Variants in VPS16 observed in about 807,000 individuals in gnomAD.
The protein encoded by VPS16 is VPS16 core subunit of CORVET and HOPS complexes, also known as vacuolar protein sorting-associated protein 16 homolog.
In VPS16, 82 loss-of-function variants were observed where a neutral mutation model predicts 116.0. That is an observed-to-expected ratio of 0.71 (90% CI 0.59 to 0.85). VPS16 has a LOEUF of 0.85. VPS16 is among the 40% of genes least tolerant of loss of function. VPS16 has a pLI of 0.00. For synonymous variants in VPS16, 406 were observed against 420.7 expected (o/e 0.96, Z 0.43); for missense variants, 928 against 1,090.6 (o/e 0.85, Z 2.10).
Position 2,860,541 on chromosome 20 carries a change from C to G in VPS16, c.462C>G (p.Thr154=). The G allele has an allele frequency of 6.2e-7, 1 of 1,613,940 alleles. No homozygotes were observed. Among genetic ancestry groups the G allele is most frequent in the Non-Finnish European group, 8.5e-7 (1 of 1,180,020 alleles). The stretch of plus-strand genomic sequence containing the variant: ...TCCTCACAGGGGCCCACCGCTTCAC[C>G]CTCAGTGCCAATGTGGGTGACCTCA... ...VAILTGAHRF[T]LSANVGDLKL... Residue 154 remains threonine (T), a synonymous_variant, in exon 5 of 24, where the codon ACC becomes ACG. Transcript: ENST00000380445. The surrounding 1 kb of genome is among the most constrained non-coding windows in gnomAD (Gnocchi z 6.1).
chr20:2,848,041 C>A, intron 1 of VPS16, among the ~76,000 whole-genome samples: 1 of 152,226 alleles, frequency 6.6e-6, no homozygotes, highest in East Asian at 1.9e-4. Context: ...CGGTGCAGAA[C>A]CACCTTCCAG....
rs768817553 is a variant in VPS16, at chr20:2,860,844, A to G, written c.611A>G (p.His204Arg). ...AVGPDLYLLD[H>R]AACSAVTPPG... ...GGGCCTGACCTTTACCTCTTGGACC[A>G]TGCAGCCTGCTCCGCAGTGGTAAGG... Residue 204 changes from histidine (H) to arginine (R), a missense_variant, in exon 6 of 24, where the codon CAT (histidine) becomes CGT (arginine). Coordinates refer to ENST00000380445, the MANE Select transcript of VPS16 (RefSeq NM_022575.4). The surrounding 1 kb of genome is among the most constrained non-coding windows in gnomAD (Gnocchi z 6.1). The G allele has an allele frequency of 6.2e-7, 1 of 1,614,110 alleles. No individual in the cohort carries two copies. The highest frequency in any genetic ancestry group is 2.2e-5 in the East Asian group (1 of 44,882).
intron 1 of VPS16, among the ~76,000 whole-genome samples, chr20:2,849,643 C>A (rs979821486): frequency 3.9e-5 from 6 of 152,008 alleles, no homozygotes; most frequent in African/African-American, 1.2e-4. Context: ...TTAGAGAAGA[C>A]TTCTGCTTCT....
intron 7 of VPS16, 46 bp from the exon 8 acceptor site, chr20:2,861,179 T>C (rs1269328519): frequency 3.7e-6 from 6 of 1,614,058 alleles, no homozygotes; most frequent in African/African-American, 2.7e-5. Flanking sequence ...TCGACTAGAA[T>C]GGTGACTGCT....
chr20:2,854,264 C>CACACACACACACACACACACAAAA (rs1359113049), intron 1 of VPS16, among the ~76,000 whole-genome samples: 1 of 150,014 alleles, frequency 6.7e-6, no homozygotes, highest in African/African-American at 2.5e-5. Flanking sequence ...CACACACACA[C>CACACACACACACACACACACAAAA]AAATTTTTTA....
intron 1 of VPS16, among the ~76,000 whole-genome samples, chr20:2,842,812 C>CTATAGATAGACATATAGATG (rs1568620881): frequency 1.6e-5 from 2 of 123,358 alleles, no homozygotes; most frequent in Non-Finnish European, 1.7e-5. Flanking sequence ...ATAGATGTAT[C>CTATAGATAGACATATAGATG]TATCTATAGA....
Position 2,863,702 on chromosome 20 carries a change from C to T in VPS16, c.1477-247C>T, listed in dbSNP as rs1214884328. Among the ~76,000 whole-genome samples the T allele has an allele frequency of 6.6e-6, 1 of 151,986 alleles. No homozygotes were observed. The highest frequency in any genetic ancestry group is 1.5e-5 in the Non-Finnish European group (1 of 68,016). The stretch of plus-strand genomic sequence containing the variant: ...GCTTTCACCTGGGAGGCAGAGGTTG[C>T]AGTGAGCTGAGATTGCACTGCTGCA... On this transcript the variant is annotated intron_variant, in intron 15 of 23. Transcript: ENST00000380445. This position sits in a 1 kb window ranked among gnomAD's most constrained non-coding sequence, Gnocchi z 4.4.
At chr20:2,856,912 A>G (rs1368391712) in intron 1 of VPS16, among the ~76,000 whole-genome samples, 2 of 151,568 alleles carry the variant, frequency 1.3e-5, no homozygotes, top group African/African-American at 2.4e-5. Context: ...GTTCTTAAAT[A>G]TTTTGTGGTA....
chr20:2,842,529 C>T (rs1358920668), intron 1 of VPS16, among the ~76,000 whole-genome samples: 1 of 151,572 alleles, frequency 6.6e-6, no homozygotes, highest in African/African-American at 2.4e-5. Context: ...ATCGCTTGAA[C>T]CTGGGAGGCG....
chr20:2,842,525 T>G (rs1168042394), intron 1 of VPS16, among the ~76,000 whole-genome samples: 1 of 151,612 alleles, frequency 6.6e-6, no homozygotes, highest in African/African-American at 2.4e-5. Flanking sequence ...GAGAATCGCT[T>G]GAACCTGGGA....
At chr20:2,853,870 A>G (rs887680908) in intron 1 of VPS16, among the ~76,000 whole-genome samples, 1 of 151,906 alleles carries the variant, frequency 6.6e-6, no homozygotes, top group Non-Finnish European at 1.5e-5. Context: ...ACAGGGTTTC[A>G]CCGTGTTGGC....
At chr20:2,857,387 C>T (rs2089182376) in intron 1 of VPS16, among the ~76,000 whole-genome samples, 2 of 152,168 alleles carry the variant, frequency 1.3e-5, no homozygotes, top group Admixed American at 1.3e-4. Flanking sequence ...TTGGATATTG[C>T]TCCATGTTTT....
Position 2,843,411 on chromosome 20 carries a change from A to G in VPS16, c.53+2584A>G, listed in dbSNP as rs561303246. On this transcript the variant is annotated intron_variant, in intron 1 of 23. Transcript: ENST00000380445. ...CGCACCACTGTACTCCAGCCTGGGC[A>G]ACAGAGCAAGACTCCATCTTGGGGA... is the stretch of plus-strand genomic sequence containing the variant. Among the ~76,000 whole-genome samples, 6 of 152,182 alleles carry G rather than the reference A, an allele frequency of 3.9e-5. No individual in the cohort carries two copies. In the East Asian group the frequency reaches 1.2e-3, roughly 29 times the overall value.
chr20:2,852,061 G>C (rs1168776052), intron 1 of VPS16, among the ~76,000 whole-genome samples: 1 of 152,188 alleles, frequency 6.6e-6, no homozygotes, highest in Non-Finnish European at 1.5e-5. Context: ...CAGGCATCTT[G>C]GTATAGAGAG....
chr20:2,863,137 AGG>A lies in VPS16; in HGVS notation c.1367+42_1367+43del. ...CCAAGGGTGCAGTGAGCGGGCTGTC[AGG>A]GGGGTGGGCATTACAGCCTTGGGTG... is the stretch of plus-strand genomic sequence containing the variant. On this transcript the variant is annotated intron_variant, in intron 14 of 23. Transcript: ENST00000380445. The surrounding 1 kb of genome is among the most constrained non-coding windows in gnomAD (Gnocchi z 4.4). 4 of 1,612,686 alleles carry A rather than the reference AGG, an allele frequency of 2.5e-6. No homozygotes were observed. The highest frequency in any genetic ancestry group is 3.4e-6 in the Non-Finnish European group (4 of 1,179,600).
Position 2,866,672 on chromosome 20 carries a change from G to A in VPS16, c.*98G>A, listed in dbSNP as rs2089354613. On this transcript the variant is annotated 3_prime_UTR_variant, in exon 24 of 24. Coordinates refer to ENST00000380445, the MANE Select transcript of VPS16 (RefSeq NM_022575.4). ...CATCCAGCTCCTCCCCTAGAGCAAT[G>A]CTGAGGAGCGGGGGCATGGTAGCAG... 6.5e-7 allele frequency: 1 copy of A among 1,535,358 alleles called. No homozygotes were observed. Among genetic ancestry groups the A allele is most frequent in the Non-Finnish European group, 8.8e-7 (1 of 1,135,474 alleles).
intron 1 of VPS16, among the ~76,000 whole-genome samples, chr20:2,842,884 C>CGATAGATAGATAGATAGATG (rs2089018254): frequency 1.3e-5 from 2 of 149,216 alleles, no homozygotes; most frequent in African/African-American, 5.1e-5. Context: ...ATAGATGTAT[C>CGATAGATAGATAGATAGATG]TATCGATAGA....
At position 2,860,568 on chromosome 20, in the gene VPS16, A is replaced by C. The variant is rs772954352; in HGVS notation, c.489A>C (p.Lys163Asn). The C allele has an allele frequency of 3.7e-6, 6 of 1,613,216 alleles. No homozygotes were observed. The highest frequency in any genetic ancestry group is 5.1e-6 in the Non-Finnish European group (6 of 1,179,922). ...TCAGTGCCAATGTGGGTGACCTCAA[A>C]CTCCGCCGGATGCCAGAGGTGCCAG... ...FTLSANVGDL[K>N]LRRMPEVPGL... The change falls in exon 5 of 24, where the codon AAA becomes AAC. Residue 163 changes from lysine (K) to asparagine (N), a missense_variant. Physicochemically the swap from Lys to Asn is moderately conservative, Grantham distance 94. Transcript: ENST00000380445. The surrounding 1 kb of genome is among the most constrained non-coding windows in gnomAD (Gnocchi z 6.1).
Position 2,866,326 on chromosome 20 carries a change from T to A in VPS16, c.2375+11T>A, listed in dbSNP as rs758041931. On this transcript the variant is annotated intron_variant, in intron 23 of 23. Coordinates refer to ENST00000380445, the MANE Select transcript of VPS16 (RefSeq NM_022575.4). ...TTTGCTTCTTGTTGGGTGCGTCAAC[T>A]GAGGGCCTGTGGGTGCTGGGTGGCT... 2.5e-6 allele frequency: 4 copies of A among 1,614,132 alleles called. 1 individual carries two copies. In the South Asian group the frequency reaches 4.4e-5, roughly 18 times the overall value.
Sources: allele counts gnomAD v4.1 joint callset (sites outside exome capture counted in the v4.1 genomes callset), GRCh38; gene constraint gnomAD v4.1.1; non-coding constraint Gnocchi (gnomAD v3.1); transcripts MANE v1.5; gene names NCBI Gene and HGNC (gene_info 2026-07-23, HGNC 2026-07-21).